Variants in CRYBB1 observed in about 807,000 individuals in gnomAD.
CRYBB1 encodes the protein beta-crystallin B1.
Under a neutral mutation model 29.5 loss-of-function variants are expected in CRYBB1, and 16 were observed. That is an observed-to-expected ratio of 0.54 (90% CI 0.37 to 0.82). CRYBB1 has a LOEUF of 0.82. Ranked by LOEUF, CRYBB1 falls within the 40% of genes least tolerant of loss-of-function variation. CRYBB1 has a pLI of 0.00. For missense variants in CRYBB1, 300 were observed against 350.5 expected, an observed-to-expected ratio of 0.86 and a Z score of 1.15; for synonymous variants, 127 against 136.7, an observed-to-expected ratio of 0.93 and a Z score of 0.49.
At chr22:26,610,009 A>T (rs765597491) in intron 3 of CRYBB1, among the ~76,000 whole-genome samples, 2 of 151,776 alleles carry the variant, frequency 1.3e-5, no homozygotes, top group Non-Finnish European at 2.9e-5. Flanking sequence ...CTGGAGGTCT[A>T]GGCTTCTGGA....
intron 2 of CRYBB1, among the ~76,000 whole-genome samples, chr22:26,615,517 C>T (rs1409887468): frequency 1.3e-5 from 2 of 151,022 alleles, no homozygotes; most frequent in East Asian, 3.9e-4. Context: ...TCTTTCTATT[C>T]TTTTCTTTTT....
In CRYBB1 at chr22:26,614,469, C is replaced by G. The variant is rs549804492; in HGVS notation, c.180+1671G>C. Reference sequence around the variant, plus strand: ...GGGCAGGTTCCCCGATACCAGGAGACAGGGATAAGAACGTCCAAGCCATGC... The same window carrying G: ...GGGCAGGTTCCCCGATACCAGGAGAGAGGGATAAGAACGTCCAAGCCATGC... On this transcript the variant is annotated intron_variant, in intron 2 of 5. Transcript: ENST00000647684. Among the ~76,000 whole-genome samples, 6 of 152,238 alleles carry G rather than the reference C, an allele frequency of 3.9e-5. No individual in the cohort carries two copies. The East Asian group carries it at 1.2e-3, about 29-fold the overall frequency.
intron 4 of CRYBB1, among the ~76,000 whole-genome samples, chr22:26,606,783 C>G (rs903721611): frequency 3.3e-5 from 5 of 152,306 alleles, no homozygotes; most frequent in African/African-American, 1.2e-4. Flanking sequence ...ATGTTCCCAT[C>G]ATGGAAGACA....
intron 3 of CRYBB1, 142 bp from the exon 4 acceptor site, chr22:26,608,163 T>C: frequency 2.4e-6 from 3 of 1,250,442 alleles, no homozygotes; most frequent in Middle Eastern, 3.7e-4. Flanking sequence ...CATGTCTGGG[T>C]TTGATTTTAG....
chr22:26,603,139 AAAAAAC>A (rs1569204278), intron 4 of CRYBB1, among the ~76,000 whole-genome samples: 1 of 106,234 alleles, frequency 9.4e-6, no homozygotes, highest in African/African-American at 2.7e-5. Context: ...AAAAAAAAAA[AAAAAAC>A]AAAAAACAAA....
chr22:26,599,399 G>T lies in CRYBB1; in HGVS notation c.*91C>A. 1 of 1,357,710 alleles carries T rather than the reference G, an allele frequency of 7.4e-7. No homozygotes were observed. The highest frequency in any genetic ancestry group is 1.0e-6 in the Non-Finnish European group (1 of 974,630). The allele number at this position is 1,357,710 out of a possible 1,614,324, so 84.1% of individuals were successfully genotyped here. On this transcript the variant is annotated 3_prime_UTR_variant, in exon 6 of 6. Coordinates refer to ENST00000647684, the MANE Select transcript of CRYBB1 (RefSeq NM_001887.4). ...GTTTACAGATCCAGGAGAAATTTTG[G>T]CTTTAGGGAATTTTATTTGCCTGGG... is the stretch of plus-strand genomic sequence containing the variant.
rs1169687387 is a variant in CRYBB1, at chr22:26,617,552, T to C, written c.-20+425A>G. 3.3e-5 allele frequency among the ~76,000 whole-genome samples: 5 copies of C among 152,124 alleles called. No individual in the cohort carries two copies. In the South Asian group the frequency reaches 1.0e-3, roughly 32 times the overall value. On this transcript the variant is annotated intron_variant, in intron 1 of 5. Coordinates refer to ENST00000647684, the MANE Select transcript of CRYBB1 (RefSeq NM_001887.4). ...CCCCCAGGGCTGGCAGCTGGACTCATGCCTTCCTGGAGATATTCTCATTCT... is the reference window on the plus strand; with the variant it reads ...CCCCCAGGGCTGGCAGCTGGACTCACGCCTTCCTGGAGATATTCTCATTCT...
intron 2 of CRYBB1, among the ~76,000 whole-genome samples, chr22:26,615,178 G>A (rs1929302258): frequency 6.6e-6 from 1 of 152,166 alleles, no homozygotes; most frequent in South Asian, 2.1e-4. Context: ...GTTGCAAAAT[G>A]GCCTACTTCT....
intron 3 of CRYBB1, among the ~76,000 whole-genome samples, chr22:26,610,991 G>T (rs141632997): frequency 6.6e-6 from 1 of 152,150 alleles, no homozygotes; most frequent in Non-Finnish European, 1.5e-5. Flanking sequence ...TTGTCCTGGG[G>T]CTGCCCCTCC....
intron 2 of CRYBB1, among the ~76,000 whole-genome samples, chr22:26,615,706 G>C (rs890799754): frequency 6.6e-6 from 1 of 152,050 alleles, no homozygotes; most frequent in African/African-American, 2.4e-5. Context: ...TAGAGACAGG[G>C]TTTCACCATG....
intron 5 of CRYBB1, 46 bp from the exon 6 acceptor site, chr22:26,599,719 T>A (rs1281037421): frequency 6.5e-7 from 1 of 1,527,768 alleles, no homozygotes; most frequent in Non-Finnish European, 9.1e-7. Flanking sequence ...CCTGTCTCGT[T>A]GCCTGGCACC....
chr22:26,607,784 C>T (rs1032018646), intron 4 of CRYBB1, 105 bp downstream of exon 4: 30 of 1,534,296 alleles, frequency 2.0e-5, no homozygotes, highest in Non-Finnish European at 2.3e-5. Flanking sequence ...GCTGCCACGC[C>T]TCCCTACCCA....
At chr22:26,612,607 C>T (rs182412406) in intron 2 of CRYBB1, among the ~76,000 whole-genome samples, 4 of 152,358 alleles carry the variant, frequency 2.6e-5, no homozygotes, top group Admixed American at 2.6e-4. Flanking sequence ...CCTGCCTTGG[C>T]TTCCCAAAGT....
At chr22:26,614,928 A>T (rs1425277063) in intron 2 of CRYBB1, among the ~76,000 whole-genome samples, 1 of 152,198 alleles carries the variant, frequency 6.6e-6, no homozygotes, top group Non-Finnish European at 1.5e-5. Flanking sequence ...CAAGCAGATT[A>T]CAGACACAGG....
chr22:26,604,082 C>T (rs931550491), intron 4 of CRYBB1, among the ~76,000 whole-genome samples: 1 of 152,242 alleles, frequency 6.6e-6, no homozygotes, highest in African/African-American at 2.4e-5. Context: ...TTTCAAAAGT[C>T]ATCATGCACT....
At chr22:26,617,054 G>T (rs754416202) in intron 1 of CRYBB1, among the ~76,000 whole-genome samples, 1 of 152,172 alleles carries the variant, frequency 6.6e-6, no homozygotes, top group Non-Finnish European at 1.5e-5. Context: ...TCCTTTCCCC[G>T]TCTGCTTCCT....
chr22:26,603,125 C>CA (rs779127242), intron 4 of CRYBB1, among the ~76,000 whole-genome samples: 16,558 of 68,610 alleles, frequency 0.24, 1,554 homozygotes, highest in East Asian at 0.39. Flanking sequence ...GACTCCGTCT[C>CA]AAAAAAAAAA....
intron 5 of CRYBB1, 82 bp downstream of exon 5, chr22:26,601,797 G>A: frequency 6.2e-7 from 1 of 1,601,624 alleles, no homozygotes; most frequent in African/African-American, 1.3e-5. Flanking sequence ...GGAATCTGAT[G>A]TTATAACCTG....
At chr22:26,601,391 C>T (rs1372307689) in intron 5 of CRYBB1, among the ~76,000 whole-genome samples, 1 of 152,034 alleles carries the variant, frequency 6.6e-6, no homozygotes, top group African/African-American at 2.4e-5. Flanking sequence ...GCCTAGCTGG[C>T]AAGACTGAGA....
Sources: allele counts gnomAD v4.1 joint callset (sites outside exome capture counted in the v4.1 genomes callset), GRCh38; gene constraint gnomAD v4.1.1; transcripts MANE v1.5; gene names NCBI Gene and HGNC (gene_info 2026-07-23, HGNC 2026-07-21).